The following PAK4 variants were observed in gnomAD, a reference collection of about 807,000 sequenced individuals.
PAK4 encodes serine/threonine-protein kinase PAK 4.
In PAK4, 49 loss-of-function variants were observed where a neutral mutation model predicts 53.5. That is an observed-to-expected ratio of 0.92 (90% CI 0.73 to 1.16). The LOEUF is 1.16. PAK4 is among the 50% of genes most tolerant of loss of function. The probability of loss-of-function intolerance (pLI) is 0.00; values close to 1 mark genes in which losing one functional copy is unlikely to be tolerated. For synonymous variants in PAK4, 376 were observed against 375.6 expected (o/e 1.00, Z -0.01); for missense variants, 824 against 850.7 (o/e 0.97, Z 0.39).
In PAK4 at chr19:39,178,248, G is replaced by A. The variant is rs537654563; in HGVS notation, c.1621-176G>A. Among the ~76,000 whole-genome samples the A allele has an allele frequency of 6.6e-6, 1 of 152,080 alleles. No individual in the cohort carries two copies. On this transcript the variant is annotated intron_variant, in intron 8 of 8. Transcript: ENST00000358301. This position sits in a 1 kb window ranked among gnomAD's most constrained non-coding sequence, Gnocchi z 4.4. ...CCACATAGTAAGCGCCATCACAGGT[G>A]CCATCACTGTCCCTGTCCCGTCTAC...
At chr19:39,150,855 C>G (rs1410929028) in intron 1 of PAK4, among the ~76,000 whole-genome samples, 2 of 152,258 alleles carry the variant, frequency 1.3e-5, no homozygotes, top group Non-Finnish European at 2.9e-5. Flanking sequence ...TGCTGCCCAC[C>G]CATCCCTCCA....
rs1411596611 is a variant in PAK4, at chr19:39,178,414, T to C, written c.1621-10T>C. ...GCCTCGCCCCCTGACCCTCCCCTCCTTCTCGACAGGTGTCGCCATCCCTGA... is the reference window on the plus strand; with the variant it reads ...GCCTCGCCCCCTGACCCTCCCCTCCCTCTCGACAGGTGTCGCCATCCCTGA... On this transcript the variant is annotated splice_polypyrimidine_tract_variant and intron_variant, in intron 8 of 8. Transcript: ENST00000358301. This position sits in a 1 kb window ranked among gnomAD's most constrained non-coding sequence, Gnocchi z 4.4. 5.1e-6 allele frequency: 8 copies of C among 1,575,270 alleles called. No individual in the cohort carries two copies. The highest frequency in any genetic ancestry group is 5.2e-6 in the Non-Finnish European group (6 of 1,161,188).
intron 1 of PAK4, among the ~76,000 whole-genome samples, chr19:39,126,460 G>C (rs1253798826): frequency 8.0e-5 from 9 of 112,214 alleles, no homozygotes; most frequent in Non-Finnish European, 1.5e-4. Flanking sequence ...GGGGGGGGGG[G>C]GCCGGGTCAG....
chr19:39,165,192 G>GATCATA (rs74176492), intron 1 of PAK4, among the ~76,000 whole-genome samples: 1 of 130,474 alleles, frequency 7.7e-6, no homozygotes, highest in Non-Finnish European at 1.6e-5. Context: ...TGATGATGAT[G>GATCATA]ATGATAATAA....
chr19:39,165,557 A>G (rs1414458224), intron 1 of PAK4, among the ~76,000 whole-genome samples: 1 of 89,742 alleles, frequency 1.1e-5, no homozygotes, highest in African/African-American at 2.9e-5. Flanking sequence ...TAAATAAAAT[A>G]ATAATAGACA....
At chr19:39,176,686 C>T in exon 7 of PAK4, 1 of 1,612,034 alleles carries the variant, frequency 6.2e-7, no homozygotes, top group Non-Finnish European at 8.5e-7. Context: ...GGCCCCAGAG[C>T]TCATCTCCCG....
chr19:39,146,637 C>T (rs544039074), intron 1 of PAK4, among the ~76,000 whole-genome samples: 5 of 152,164 alleles, frequency 3.3e-5, no homozygotes, highest in Admixed American at 2.0e-4. Flanking sequence ...CCTAGGAGTT[C>T]GAGATCAGCC....
Position 39,173,686 on chromosome 19 carries a change from C to G in PAK4, c.774C>G (p.Ser258Arg). 1 of 1,590,522 alleles carries G rather than the reference C, an allele frequency of 6.3e-7. No homozygotes were observed. ...CCACCCGAGCCCGAGGTGCCCCCAGCCCTGGAGTGCTGGGACCCCACGCCT... is the reference window on the plus strand; with the variant it reads ...CCACCCGAGCCCGAGGTGCCCCCAGGCCTGGAGTGCTGGGACCCCACGCCT... Residue 258 changes from serine (S) to arginine (R), a missense_variant, in exon 4 of 9, where the codon AGC becomes AGG. This residue lies in a region of PAK4 where 478 missense variants were observed against 435.8 expected (regional missense o/e 1.10). Transcript: ENST00000358301. This position sits in a 1 kb window ranked among gnomAD's most constrained non-coding sequence, Gnocchi z 6.9.
In PAK4 at chr19:39,173,221, C is replaced by T; in HGVS notation, c.508C>T (p.Pro170Ser). Reference sequence around the variant, plus strand: ...GTCTTCCAGGGAGGGCTCAGGGGGTCCCCAGGAGTCCTCCCGGGACAAACG... The same window carrying T: ...GTCTTCCAGGGAGGGCTCAGGGGGTTCCCAGGAGTCCTCCCGGGACAAACG... The change falls in exon 3 of 9, where the codon CCC becomes TCC. Residue 170 changes from proline (P) to serine (S), a missense_variant. Pro to Ser is a moderately conservative substitution (Grantham distance 74). This residue lies in a region of PAK4 where 478 missense variants were observed against 435.8 expected (regional missense o/e 1.10). Coordinates refer to ENST00000358301, the Ensembl canonical transcript of PAK4. The surrounding 1 kb of genome is among the most constrained non-coding windows in gnomAD (Gnocchi z 6.9). 1 of 1,561,598 alleles carries T rather than the reference C, an allele frequency of 6.4e-7. No homozygotes were observed. The highest frequency in any genetic ancestry group is 8.7e-7 in the Non-Finnish European group (1 of 1,153,090).
Position 39,161,630 on chromosome 19 carries a change from C to T in PAK4, c.-22-7902C>T, listed in dbSNP as rs867537438. Among the ~76,000 whole-genome samples the T allele has an allele frequency of 6.6e-6, 1 of 152,038 alleles. No individual in the cohort carries two copies. The highest frequency in any genetic ancestry group is 2.1e-4 in the South Asian group (1 of 4,812). ...TGAACTCCTGAGTCAGGCGGTGGCCCTCCTGGGCTCAGAGACCCCTGCAAC... is the reference window on the plus strand; with the variant it reads ...TGAACTCCTGAGTCAGGCGGTGGCCTTCCTGGGCTCAGAGACCCCTGCAAC... On this transcript the variant is annotated intron_variant, in intron 1 of 8. Coordinates refer to ENST00000358301, the Ensembl canonical transcript of PAK4. The surrounding 1 kb of genome is among the most constrained non-coding windows in gnomAD (Gnocchi z 4.5).
At chr19:39,171,613 A>C (rs2074481203) in intron 2 of PAK4, among the ~76,000 whole-genome samples, 3 of 152,248 alleles carry the variant, frequency 2.0e-5, no homozygotes, top group Non-Finnish European at 2.9e-5. Flanking sequence ...GAGACAGGGC[A>C]GCGGCAGACC....
Position 39,130,740 on chromosome 19 carries a change from G to A in PAK4, c.-23+4821G>A, listed in dbSNP as rs1269437523. On this transcript the variant is annotated intron_variant, in intron 1 of 8. Transcript: ENST00000358301. The stretch of plus-strand genomic sequence containing the variant: ...GGGGTGGGGTCAGAGGCTTGGAGGC[G>A]GTGTTGGATACAGCAGGGCCTAGCA... Among the ~76,000 whole-genome samples the A allele has an allele frequency of 4.6e-5, 7 of 152,076 alleles. No homozygotes were observed. The South Asian group carries it at 1.5e-3, about 32-fold the overall frequency.
At position 39,176,641 on chromosome 19, in the gene PAK4, C is replaced by T. The variant is rs921822315; in HGVS notation, c.1411C>T (p.Arg471Ter). Residue 471 changes from arginine to a stop codon, truncating the protein, a stop_gained, in exon 7 of 9, where the codon CGA (arginine) becomes TGA (stop). Transcript: ENST00000358301. LOFTEE classifies it high-confidence loss of function. ...CGCCCAGGTGAGCAAGGAAGTGCCC[C>T]GAAGGAAGTCGCTGGTCGGCACGCC... is the stretch of plus-strand genomic sequence containing the variant. 19 of 1,613,586 alleles carry T rather than the reference C, an allele frequency of 1.2e-5. No homozygotes were observed. Among genetic ancestry groups the T allele is most frequent in the East Asian group, 4.5e-5 (2 of 44,890 alleles).
At position 39,175,270 on chromosome 19, in the gene PAK4, G is replaced by T. The variant is rs931460253; in HGVS notation, c.1233-42G>T. The T allele has an allele frequency of 7.7e-6, 12 of 1,548,732 alleles. No individual in the cohort carries two copies. The highest frequency in any genetic ancestry group is 3.4e-4 in the Middle Eastern group (2 of 5,890). ...GCTGCGTCCCCCTCGGCACCCCGGGGTGCTGTCCAGCTGGCTGCTCACCCC... is the reference window on the plus strand; with the variant it reads ...GCTGCGTCCCCCTCGGCACCCCGGGTTGCTGTCCAGCTGGCTGCTCACCCC... On this transcript the variant is annotated intron_variant, in intron 5 of 8. Transcript: ENST00000358301. The surrounding 1 kb of genome is among the most constrained non-coding windows in gnomAD (Gnocchi z 4.7).
chr19:39,179,743 A>G (rs2074681334), downstream of PAK4: 1 of 152,244 alleles, frequency 6.6e-6, no homozygotes. Flanking sequence ...AAGTTAGTAA[A>G]TTGAAGGCCA....
At chr19:39,165,806 G>A (rs556698012) in intron 1 of PAK4, among the ~76,000 whole-genome samples, 10 of 152,298 alleles carry the variant, frequency 6.6e-5, no homozygotes, top group African/African-American at 1.7e-4. Flanking sequence ...GGGATTAGAC[G>A]CACAGCAGGG....
chr19:39,173,031 GCCGC>G lies in PAK4; in HGVS notation c.326_329del (p.Ala109ValfsTer259). 6.5e-7 allele frequency: 1 copy of G among 1,549,126 alleles called. No individual in the cohort carries two copies. Among genetic ancestry groups the G allele is most frequent in the Non-Finnish European group, 8.7e-7 (1 of 1,146,902 alleles). Reference sequence around the variant, plus strand: ...ACTCCCTGCGGAGAGACAGCCCGCCGCCGCCCGCCCGTGCCCGCCAGGAAAATGG... The same window carrying G: ...ACTCCCTGCGGAGAGACAGCCCGCCGCCGCCCGTGCCCGCCAGGAAAATGG... On this transcript the variant is annotated frameshift_variant, in exon 3 of 9. Transcript: ENST00000358301. LOFTEE classifies it high-confidence loss of function. This position sits in a 1 kb window ranked among gnomAD's most constrained non-coding sequence, Gnocchi z 6.9.
chr19:39,153,452 A>G (rs2074126169), intron 1 of PAK4, among the ~76,000 whole-genome samples: 1 of 149,974 alleles, frequency 6.7e-6, no homozygotes, highest in Non-Finnish European at 1.5e-5. Flanking sequence ...TTGTTGTTTT[A>G]TTTTTTTGAA....
At chr19:39,159,677 T>C (rs2074252172) in intron 1 of PAK4, among the ~76,000 whole-genome samples, 1 of 152,198 alleles carries the variant, frequency 6.6e-6, no homozygotes, top group South Asian at 2.1e-4. Flanking sequence ...CATGAGCCAC[T>C]GTGCCCGGCC....
Sources: allele counts gnomAD v4.1 joint callset (sites outside exome capture counted in the v4.1 genomes callset), GRCh38; gene constraint gnomAD v4.1.1; regional missense constraint gnomAD v4.1.1; non-coding constraint Gnocchi (gnomAD v3.1); transcripts MANE v1.5; gene names NCBI Gene and HGNC (gene_info 2026-07-23, HGNC 2026-07-21).